OTOL1: variants seen among roughly 807,000 people sequenced by gnomAD.
OTOL1 encodes the protein otolin-1.
In OTOL1, 31 loss-of-function variants were observed where a neutral mutation model predicts 25.0. The observed-to-expected ratio is 1.24, with a 90% CI of 0.93 to 1.67. The LOEUF (loss-of-function observed/expected upper bound fraction) is 1.67. Ranked by LOEUF, OTOL1 falls within the 40% of genes most tolerant of loss-of-function variation. OTOL1 has a pLI of 0.00. For synonymous variants in OTOL1, 225 were observed against 210.3 expected, an observed-to-expected ratio of 1.07 and a Z score of -0.61; for missense variants, 654 against 587.7, an observed-to-expected ratio of 1.11 and a Z score of -1.17.
chr3:161,497,926 C>A (rs1420661893), intron 1 of OTOL1, among the ~76,000 whole-genome samples: 2 of 152,116 alleles, frequency 1.3e-5, no homozygotes, highest in Admixed American at 1.3e-4. Flanking sequence ...AGAATGTCAA[C>A]TTAAAATTCA....
rs1209543421 is a variant in OTOL1 at position 161,503,008 on chromosome 3, T to C, written c.518-18T>C. ...GGCCTATGTGATCCTTAAACATTATTTTAATTTTCCATTTCAGGTGAACCT... is the reference window on the plus strand; with the variant it reads ...GGCCTATGTGATCCTTAAACATTATCTTAATTTTCCATTTCAGGTGAACCT... On this transcript the variant is annotated intron_variant, in intron 3 of 3. Transcript: ENST00000327928. The C allele has an allele frequency of 2.3e-6, 3 of 1,316,144 alleles. No individual in the cohort carries two copies. The highest frequency in any genetic ancestry group is 2.9e-6 in the Non-Finnish European group (3 of 1,026,456). 81.5% of individuals were successfully genotyped at this position (1,316,144 alleles called of 1,614,324 possible). A position where few individuals can be genotyped will look rare whatever the true frequency, so the allele number is the denominator to read the frequency against.
intron 3 of OTOL1, among the ~76,000 whole-genome samples, 178 bp downstream of exon 3, chr3:161,502,547 C>G (rs1275480840): frequency 6.6e-6 from 1 of 152,090 alleles, no homozygotes; most frequent in African/African-American, 2.4e-5. Flanking sequence ...AATTTGGAGA[C>G]CAGGTAATAG....
Position 161,503,259 on chromosome 3 carries a change from G to C in OTOL1, c.751G>C (p.Gly251Arg). The change falls in exon 4 of 4, where the codon GGA becomes CGA. Residue 251 changes from glycine to arginine, a missense_variant. Transcript: ENST00000327928. The part of the protein sequence containing the change: ...KGCCGDSGER[G>R]GKGQKGEGGM... The stretch of plus-strand genomic sequence containing the variant: ...CTGCTGTGGAGATTCTGGGGAGAGG[G>C]GAGGAAAAGGACAGAAAGGTGAGGG... The C allele has an allele frequency of 6.9e-7, 1 of 1,450,812 alleles. No homozygotes were observed. The highest frequency in any genetic ancestry group is 9.1e-7 in the Non-Finnish European group (1 of 1,100,170). 89.9% of individuals were successfully genotyped at this position (1,450,812 alleles called of 1,614,324 possible).
chr3:161,500,871 A>G (rs756836627), intron 2 of OTOL1, among the ~76,000 whole-genome samples: 3 of 152,182 alleles, frequency 2.0e-5, no homozygotes, highest in Non-Finnish European at 4.4e-5. Context: ...TAAATGACCT[A>G]TGGTGGGATT....
At chr3:161,501,256 T>C (rs1047149456) in intron 2 of OTOL1, among the ~76,000 whole-genome samples, 1 of 152,022 alleles carries the variant, frequency 6.6e-6, no homozygotes, top group Admixed American at 6.6e-5. Context: ...TTATATTAAA[T>C]AAAAAGGCTG....
chr3:161,502,842 T>C (rs1719008687), intron 3 of OTOL1, among the ~76,000 whole-genome samples, 184 bp from the exon 4 acceptor site: 2 of 152,188 alleles, frequency 1.3e-5, no homozygotes, highest in Non-Finnish European at 2.9e-5. Flanking sequence ...ATTCCCCTTC[T>C]AAGAGCATGG....
Position 161,496,820 on chromosome 3 carries a change from T to A in OTOL1, c.13T>A (p.Ser5Thr), listed in dbSNP as rs781381914. 6.3e-7 allele frequency: 1 copy of A among 1,575,548 alleles called. No homozygotes were observed. The change falls in exon 1 of 4, where the codon TCT becomes ACT. Residue 5 changes from serine to threonine, a missense_variant. Transcript: ENST00000327928. Reference sequence around the variant, plus strand: ...TCCAGCTTCAAATATGTGGATGTTTTCTTGGCTTTGTGCTATTTTAATTAT... The same window carrying A: ...TCCAGCTTCAAATATGTGGATGTTTACTTGGCTTTGTGCTATTTTAATTAT... MWMFSWLCAILIILA... is the reference protein window; with the variant it reads MWMFTWLCAILIILA...
Position 161,503,574 on chromosome 3 carries a change from C to T in OTOL1, c.1066C>T (p.Pro356Ser), listed in dbSNP as rs1433299899. 1.9e-6 allele frequency: 3 copies of T among 1,613,730 alleles called. No individual in the cohort carries two copies. The highest frequency in any genetic ancestry group is 1.7e-5 in the Admixed American group (1 of 59,990). Residue 356 changes from proline to serine, a missense_variant, in exon 4 of 4, where the codon CCT becomes TCT. Pro to Ser is a moderately conservative substitution (Grantham distance 74). Coordinates refer to ENST00000327928, the MANE Select transcript of OTOL1 (RefSeq NM_001080440.1). The part of the protein sequence containing the change: ...SAGLSKPFPP[P>S]NIPIKFEKIL... ...TGGTTTGTCAAAGCCATTTCCTCCT[C>T]CTAACATCCCCATCAAATTTGAAAA...
At position 161,497,237 on chromosome 3, in the gene OTOL1, C is replaced by T. The variant is rs113999923; in HGVS notation, c.364+66C>T. On this transcript the variant is annotated intron_variant, in intron 1 of 3. Transcript: ENST00000327928. ...TTGGTAGAGTTGAGAGGTAGGTTGTCGGGTGAAATTGCCCCAGGAGTTTCT... is the reference window on the plus strand; with the variant it reads ...TTGGTAGAGTTGAGAGGTAGGTTGTTGGGTGAAATTGCCCCAGGAGTTTCT... The T allele has an allele frequency of 8.6e-4, 1,318 of 1,524,712 alleles. 15 individuals are homozygous for T. In the South Asian group the frequency reaches 0.012, roughly 14 times the overall value. 94.4% of individuals were successfully genotyped at this position (1,524,712 alleles called of 1,614,324 possible).
At chr3:161,501,277 A>G (rs1315225991) in intron 2 of OTOL1, among the ~76,000 whole-genome samples, 2 of 152,194 alleles carry the variant, frequency 1.3e-5, no homozygotes, top group Admixed American at 6.5e-5. Context: ...GATTAAGTAA[A>G]AAAAAGGTAA....
intron 2 of OTOL1, among the ~76,000 whole-genome samples, chr3:161,500,204 C>T (rs1357969164): frequency 6.6e-6 from 1 of 152,170 alleles, no homozygotes; most frequent in Non-Finnish European, 1.5e-5. Context: ...TCTGGTAGAA[C>T]ATTCAGTGAA....
intron 3 of OTOL1, 90 bp downstream of exon 3, chr3:161,502,459 G>C: frequency 9.1e-7 from 1 of 1,101,692 alleles, no homozygotes; most frequent in South Asian, 1.4e-5. Context: ...TTATCAGAGA[G>C]GTAAGCTGAA....
At chr3:161,500,917 T>C (rs762274949) in intron 2 of OTOL1, among the ~76,000 whole-genome samples, 4 of 152,208 alleles carry the variant, frequency 2.6e-5, no homozygotes, top group Non-Finnish European at 4.4e-5. Context: ...AGGGAGTCTA[T>C]TCTCACCACT....
chr3:161,503,188 G>T lies in OTOL1; in HGVS notation c.680G>T (p.Gly227Val). ...PGLHGGPGAK[G>V]EKGEMGEKGE... The stretch of plus-strand genomic sequence containing the variant: ...CTGCACGGAGGGCCTGGCGCCAAGG[G>T]AGAGAAGGGGGAGATGGGGGAGAAG... The change falls in exon 4 of 4, where the codon GGA becomes GTA. Residue 227 changes from glycine to valine, a missense_variant. By Grantham distance (109) the Gly-to-Val change is moderately radical. Transcript: ENST00000327928. 2 of 1,363,620 alleles carry T rather than the reference G, an allele frequency of 1.5e-6. No homozygotes were observed. 84.5% of individuals were successfully genotyped at this position (1,363,620 alleles called of 1,614,324 possible).
At position 161,502,351 on chromosome 3, in the gene OTOL1, G is replaced by T. The variant is rs760377334; in HGVS notation, c.499G>T (p.Gly167Ter). 1.9e-6 allele frequency: 3 copies of T among 1,613,380 alleles called. No individual in the cohort carries two copies. In the South Asian group the frequency reaches 3.3e-5, roughly 18 times the overall value. The part of the protein sequence containing the change: ...RGDQGVPGYP[G>*]KPGAQGEPGP... ...GGACCAAGGAGTTCCAGGATACCCA[G>T]GAAAACCGGGAGCACAAGGTAGAGC... Residue 167 changes from glycine (G) to a stop codon, truncating the protein, a stop_gained, in exon 3 of 4, where the codon GGA becomes TGA. Transcript: ENST00000327928. LOFTEE classifies it low-confidence loss of function (END_TRUNC).
intron 2 of OTOL1, among the ~76,000 whole-genome samples, chr3:161,500,838 G>A (rs938205868): frequency 6.6e-6 from 1 of 152,156 alleles, no homozygotes; most frequent in African/African-American, 2.4e-5. Context: ...TGTTGGGGTA[G>A]CTAGCAACTT....
At chr3:161,501,615 A>T (rs1223425234) in intron 2 of OTOL1, among the ~76,000 whole-genome samples, 2 of 151,808 alleles carry the variant, frequency 1.3e-5, no homozygotes, top group Non-Finnish European at 2.9e-5. Context: ...CACTCTGTTT[A>T]AACTTGTAGG....
chr3:161,503,576 T>C lies in OTOL1; in HGVS notation c.1068T>C (p.Pro356=), dbSNP rs757027586. The change falls in exon 4 of 4, where the codon CCT becomes CCC. Residue 356 remains proline, a synonymous_variant. Transcript: ENST00000327928. ...GTTTGTCAAAGCCATTTCCTCCTCC[T>C]AACATCCCCATCAAATTTGAAAAGA... ...SAGLSKPFPP[P]NIPIKFEKIL... 6.2e-7 allele frequency: 1 copy of C among 1,613,850 alleles called. No homozygotes were observed. The highest frequency in any genetic ancestry group is 8.5e-7 in the Non-Finnish European group (1 of 1,179,860).
chr3:161,501,252 T>G (rs1718968367), intron 2 of OTOL1, among the ~76,000 whole-genome samples: 1 of 152,146 alleles, frequency 6.6e-6, no homozygotes, highest in Non-Finnish European at 1.5e-5. Context: ...AAAATTATAT[T>G]AAATAAAAAG....
Sources: allele counts gnomAD v4.1 joint callset (sites outside exome capture counted in the v4.1 genomes callset), GRCh38; gene constraint gnomAD v4.1.1; transcripts MANE v1.5; gene names NCBI Gene and HGNC (gene_info 2026-07-23, HGNC 2026-07-21).